Variants in SMARCB1 observed in about 807,000 individuals in gnomAD.
The protein encoded by SMARCB1 is SWI/SNF-related matrix-associated actin-dependent regulator of chromatin subfamily B member 1.
Under a neutral mutation model 49.0 loss-of-function variants are expected in SMARCB1, and 5 were observed. That is an observed-to-expected ratio of 0.10 (90% CI 0.05 to 0.21). The LOEUF is 0.21. Among genes scored for constraint, SMARCB1 ranks in the 10% least tolerant of loss-of-function variants. SMARCB1 has a pLI of 1.00. For synonymous variants in SMARCB1, 201 were observed against 200.1 expected (o/e 1.00, Z -0.04); for missense variants, 226 against 509.2 (o/e 0.44, Z 5.35).
chr22:23,802,147 C>T (rs1009085028), intron 4 of SMARCB1: 2 of 152,892 alleles, frequency 1.3e-5, no homozygotes, highest in African/African-American at 4.8e-5. Flanking sequence ...CCAGGCAGAT[C>T]ATGTCACCTC....
intron 3 of SMARCB1, among the ~76,000 whole-genome samples, chr22:23,796,918 T>C (rs1229669690): frequency 2.0e-5 from 3 of 152,008 alleles, no homozygotes; most frequent in Admixed American, 6.6e-5. Flanking sequence ...ACCCTCCCCA[T>C]CCTGTCATCG....
At chr22:23,793,284 C>T (rs1385284975) in intron 2 of SMARCB1, 13 of 509,632 alleles carry the variant, frequency 2.6e-5, no homozygotes, top group Non-Finnish European at 4.3e-5. Context: ...GTTGCTGGTG[C>T]TGCCCTGAGC....
chr22:23,825,282 GAGA>G lies in SMARCB1; in HGVS notation c.856_858del (p.Lys286del), dbSNP rs1060503020. The G allele has an allele frequency of 8.7e-6, 14 of 1,614,060 alleles. No homozygotes were observed. Among genetic ancestry groups the G allele is most frequent in the Non-Finnish European group, 1.0e-5 (12 of 1,179,986 alleles). On this transcript the variant is annotated inframe_deletion, in exon 7 of 9. Transcript: ENST00000644036. ...GGACCAGTTTGAGTGGGACATGTCA[GAGA>G]AGGAGAACTCACCAGAGAAGTTTGC...
In SMARCB1 at chr22:23,791,806, C is replaced by T. The variant is rs2145960150; in HGVS notation, c.144C>T (p.Pro48=). 1.2e-6 allele frequency: 2 copies of T among 1,613,648 alleles called. No individual in the cohort carries two copies. The highest frequency in any genetic ancestry group is 1.7e-6 in the Non-Finnish European group (2 of 1,179,540). ...GAGGTTCTCTGTACAAGAGATACCC[C>T]TCACTCTGGAGGCGACTAGCCACTG... ...MFRGSLYKRY[P]SLWRRLATVE... is the part of the protein sequence containing the mutation. Residue 48 remains proline, a synonymous_variant, in exon 2 of 9, where the codon CCC becomes CCT. Transcript: ENST00000644036.
Position 23,825,305 on chromosome 22 carries a change from G to A in SMARCB1, c.876G>A (p.Lys292=), listed in dbSNP as rs2030323037. Residue 292 remains lysine (K), a synonymous_variant, in exon 7 of 9, where the codon AAG becomes AAA. Transcript: ENST00000644036. The part of the protein sequence containing the change: ...DMSEKENSPE[K]FALKLCSELG... ...CAGAGAAGGAGAACTCACCAGAGAA[G>A]TTTGCCCTGAAGCTGTGCTCGGAGC... 6.2e-7 allele frequency: 1 copy of A among 1,614,198 alleles called. No individual in the cohort carries two copies. Among genetic ancestry groups the A allele is most frequent in the Non-Finnish European group, 8.5e-7 (1 of 1,179,996 alleles).
Position 23,837,333 on chromosome 22 carries a change from G to A in SMARCB1, c.*3153G>A. The A allele has an allele frequency of 1.2e-6, 1 of 820,136 alleles. No homozygotes were observed. 50.8% of individuals were successfully genotyped at this position (820,136 alleles called of 1,614,324 possible). On this transcript the variant is annotated 3_prime_UTR_variant, in exon 9 of 9. Coordinates refer to ENST00000644036, the MANE Select transcript of SMARCB1 (RefSeq NM_003073.5). ...TGGCCGTGAAGGACAAGCTTAAAAG[G>A]CCCAGAAGCAGGCAGGACCCAGGGA...
intron 7 of SMARCB1, among the ~76,000 whole-genome samples, chr22:23,829,802 G>A (rs1169419675): frequency 6.6e-6 from 1 of 152,148 alleles, no homozygotes; most frequent in East Asian, 1.9e-4. Flanking sequence ...TCACCCCACT[G>A]CAGGCAGTCC....
chr22:23,810,171 CAA>C (rs541598564), intron 5 of SMARCB1, among the ~76,000 whole-genome samples: 3 of 126,056 alleles, frequency 2.4e-5, no homozygotes, highest in African/African-American at 2.9e-5. Context: ...GACTCCAACT[CAA>C]AAAAAAAAAA....
rs543084398 is a variant in SMARCB1, at chr22:23,834,938, G to A, written c.*758G>A. On this transcript the variant is annotated 3_prime_UTR_variant, in exon 9 of 9. Transcript: ENST00000644036. ...CCTTGCTGCTCTGAAGTCCCCTGCGGAGGGCCCAGTCCTGTGTGGGCACTG... is the reference window on the plus strand; with the variant it reads ...CCTTGCTGCTCTGAAGTCCCCTGCGAAGGGCCCAGTCCTGTGTGGGCACTG... The A allele has an allele frequency of 1.2e-4, 200 of 1,605,272 alleles. No homozygotes were observed. The African/African-American group carries it at 2.6e-3, about 21-fold the overall frequency.
At chr22:23,804,060 A>ATTATT (rs1004009964) in intron 5 of SMARCB1, 1 of 151,986 alleles carries the variant, frequency 6.6e-6, no homozygotes, top group Non-Finnish European at 1.5e-5. Flanking sequence ...ATGTATTTTT[A>ATTATT]TTATTTTATT....
chr22:23,834,405 G>A lies in SMARCB1; in HGVS notation c.*225G>A, dbSNP rs1360886518. 1 of 703,138 alleles carries A rather than the reference G, an allele frequency of 1.4e-6. No homozygotes were observed. The highest frequency in any genetic ancestry group is 2.0e-5 in the Admixed American group (1 of 49,908). 43.6% of individuals were successfully genotyped at this position (703,138 alleles called of 1,614,324 possible). On this transcript the variant is annotated 3_prime_UTR_variant, in exon 9 of 9. Transcript: ENST00000644036. ...CTCCCTACCCCTCCCCAGTCTCTGGGGTCAGGAAGAAACCTTATTTTAGGT... is the reference window on the plus strand; with the variant it reads ...CTCCCTACCCCTCCCCAGTCTCTGGAGTCAGGAAGAAACCTTATTTTAGGT...
chr22:23,836,932 G>A lies in SMARCB1; in HGVS notation c.*2752G>A, dbSNP rs768515569. Reference sequence around the variant, plus strand: ...CCTCAGGGAGGGGCAGGTAATTGGGGTCTTCTGCAGGGGCATCCAGGAGCA... The same window carrying A: ...CCTCAGGGAGGGGCAGGTAATTGGGATCTTCTGCAGGGGCATCCAGGAGCA... On this transcript the variant is annotated 3_prime_UTR_variant, in exon 9 of 9. Coordinates refer to ENST00000644036, the MANE Select transcript of SMARCB1 (RefSeq NM_003073.5). 16 of 1,564,512 alleles carry A rather than the reference G, an allele frequency of 1.0e-5. No individual in the cohort carries two copies. The African/African-American group carries it at 1.9e-4, about 19-fold the overall frequency.
chr22:23,824,741 C>A, intron 6 of SMARCB1: 1 of 195,376 alleles, frequency 5.1e-6, no homozygotes, highest in Non-Finnish European at 1.1e-5. Flanking sequence ...CCGTGTTGAC[C>A]CAGAGTGGGG....
chr22:23,836,792 T>G lies in SMARCB1; in HGVS notation c.*2612T>G. On this transcript the variant is annotated 3_prime_UTR_variant, in exon 9 of 9. Transcript: ENST00000644036. ...GCATGGGCCCAGCCTTTAGGATGGGTTTTTTCTGCCCCAAGTAGGGGTCAT... is the reference window on the plus strand; with the variant it reads ...GCATGGGCCCAGCCTTTAGGATGGGGTTTTTCTGCCCCAAGTAGGGGTCAT... The G allele has an allele frequency of 2.1e-6, 3 of 1,406,352 alleles. No homozygotes were observed. The highest frequency in any genetic ancestry group is 1.9e-6 in the Non-Finnish European group (2 of 1,079,946). 87.1% of individuals were successfully genotyped at this position (1,406,352 alleles called of 1,614,324 possible). A position where few individuals can be genotyped will look rare whatever the true frequency, so the allele number is the denominator to read the frequency against.
intron 6 of SMARCB1, chr22:23,823,760 G>A (rs9612475): frequency 0.12 from 18,859 of 152,308 alleles, 1,259 homozygotes; most frequent in South Asian, 0.27. Context: ...GGAAGCCTGC[G>A]GGGAACAGAA....
chr22:23,797,152 C>T (rs1238731986), intron 3 of SMARCB1, among the ~76,000 whole-genome samples: 2 of 149,032 alleles, frequency 1.3e-5, no homozygotes, highest in Non-Finnish European at 3.0e-5. Context: ...GCGCCCGCCA[C>T]CTCGCCCGGC....
At chr22:23,788,041 G>GT (rs1237310797) in intron 1 of SMARCB1, among the ~76,000 whole-genome samples, 1 of 152,100 alleles carries the variant, frequency 6.6e-6, no homozygotes, top group African/African-American at 2.4e-5. Flanking sequence ...TTAGGTTCTT[G>GT]TTTTTTGTTT....
chr22:23,798,874 C>T (rs1268055008), intron 3 of SMARCB1, among the ~76,000 whole-genome samples: 2 of 151,908 alleles, frequency 1.3e-5, no homozygotes, highest in African/African-American at 2.4e-5. Context: ...CAGGGTGAAA[C>T]CCCGTCTCTA....
At chr22:23,801,606 C>T (rs35575603) in intron 4 of SMARCB1, 7,798 of 347,020 alleles carry the variant, frequency 0.022, 305 homozygotes, top group South Asian at 0.096. Context: ...CGATTCGGTC[C>T]TTGCTTCTTC....
Sources: gnomAD v4.1 joint callset for allele counts (sites outside exome capture counted in the v4.1 genomes callset) on GRCh38, gnomAD v4.1.1 for gene constraint, MANE v1.5 for transcripts, NCBI Gene and HGNC (gene_info 2026-07-23, HGNC 2026-07-21) for gene names.